The following FUT8 variants were observed in gnomAD, a reference collection of about 807,000 sequenced individuals.
FUT8 encodes fucosyltransferase 8.
In FUT8, 29 loss-of-function variants were observed where a neutral mutation model predicts 71.3. The ratio of observed to expected loss-of-function variants is 0.41; its 90% confidence interval spans 0.30 to 0.55. The LOEUF (loss-of-function observed/expected upper bound fraction) is 0.55, where lower values mean the gene tolerates loss of function less well. FUT8 is among the 20% of genes least tolerant of loss of function. FUT8 has a pLI of 0.34. For missense variants in FUT8, 544 were observed against 702.1 expected (o/e 0.77, Z 2.55); for synonymous variants, 254 against 239.3 (o/e 1.06, Z -0.57).
chr14:65,365,328 C>CCTCTCTCTCTCTCT, the FUT8 span, among the ~76,000 whole-genome samples: 8 of 138,970 alleles, frequency 5.8e-5, no homozygotes, highest in African/African-American at 1.6e-4. Flanking sequence ...ATAAATTCTT[C>CCTCTCTCTCTCTCT]CTCTCTCTCT....
the FUT8 span, among the ~76,000 whole-genome samples, chr14:65,378,872 G>C: frequency 9.9e-5 from 8 of 80,864 alleles, no homozygotes; most frequent in Non-Finnish European, 1.7e-4. Context: ...TTGAGATGGA[G>C]TTTCACTCTT....
chr14:65,691,997 A>T (rs1414802782), intron 7 of FUT8, among the ~76,000 whole-genome samples: 5 of 151,976 alleles, frequency 3.3e-5, no homozygotes, highest in Admixed American at 2.6e-4. Context: ...TCCCATGTCT[A>T]CTTCTTTCTA....
At chr14:65,609,610 C>T (rs1888773158) in intron 3 of FUT8, among the ~76,000 whole-genome samples, 1 of 151,804 alleles carries the variant, frequency 6.6e-6, no homozygotes, top group Non-Finnish European at 1.5e-5. Flanking sequence ...TGCTCTTTGT[C>T]ATCTGTCTTT....
intron 6 of FUT8, among the ~76,000 whole-genome samples, chr14:65,664,668 T>C (rs1398244697): frequency 6.6e-6 from 1 of 152,130 alleles, no homozygotes; most frequent in Non-Finnish European, 1.5e-5. Flanking sequence ...AATCATTTTA[T>C]AGACTGCAGC....
At position 65,669,954 on chromosome 14, in the gene FUT8, C is replaced by T. The variant is rs139294048; in HGVS notation, c.835+474C>T. On this transcript the variant is annotated intron_variant, in intron 7 of 10. Transcript: ENST00000673929. This position sits in a 1 kb window ranked among gnomAD's most constrained non-coding sequence, Gnocchi z 4.5. ...GCAGCCTGAGAGTTTTAATATCTGA[C>T]AAAAGTTTTAGGTTTAGGGACCGTG... is the stretch of plus-strand genomic sequence containing the variant. 3.4e-3 allele frequency among the ~76,000 whole-genome samples: 520 copies of T among 152,244 alleles called. 1 individual carries two copies. Among genetic ancestry groups the T allele is most frequent in the African/African-American group, 0.012 (493 of 41,552 alleles).
intron 9 of FUT8, among the ~76,000 whole-genome samples, chr14:65,731,710 G>T (rs74056814): frequency 0.033 from 5,076 of 152,150 alleles, 246 homozygotes; most frequent in African/African-American, 0.11. Context: ...GCCCAGGCTG[G>T]TCTCGAACTC....
At chr14:65,464,014 A>G (rs2066004133) in intron 2 of FUT8, among the ~76,000 whole-genome samples, 1 of 152,210 alleles carries the variant, frequency 6.6e-6, no homozygotes, top group Non-Finnish European at 1.5e-5. Flanking sequence ...GGAAAAAAGG[A>G]AACAAAGGAG....
At chr14:65,702,824 CA>C in intron 7 of FUT8, among the ~76,000 whole-genome samples, 1 of 151,996 alleles carries the variant, frequency 6.6e-6, no homozygotes, top group Non-Finnish European at 1.5e-5. Flanking sequence ...CTGCAACCTC[CA>C]CCTCCCAGGT....
At position 65,489,278 on chromosome 14, in the gene FUT8, C is replaced by T. The variant is rs2066450910; in HGVS notation, c.-228+33560C>T. ...CTTTGTTCCCTAACCTCATTCTCCTCCACCTGTAACAATGGTGAATATGAA... is the reference window on the plus strand; with the variant it reads ...CTTTGTTCCCTAACCTCATTCTCCTTCACCTGTAACAATGGTGAATATGAA... On this transcript the variant is annotated intron_variant, in intron 2 of 10. Transcript: ENST00000673929. The surrounding 1 kb of genome is among the most constrained non-coding windows in gnomAD (Gnocchi z 4.0). Among the ~76,000 whole-genome samples, 1 of 152,148 alleles carries T rather than the reference C, an allele frequency of 6.6e-6. No homozygotes were observed. The highest frequency in any genetic ancestry group is 2.1e-4 in the South Asian group (1 of 4,834).
At position 65,540,916 on chromosome 14, in the gene FUT8, A is replaced by G. The variant is rs191037004; in HGVS notation, c.-227-20421A>G. On this transcript the variant is annotated intron_variant, in intron 2 of 10. Transcript: ENST00000673929. ...ATAATTCAATGACATTTGTACAACT[A>G]GTTATCAGGTCACATTTTGATGGAT... Among the ~76,000 whole-genome samples the G allele has an allele frequency of 5.9e-3, 900 of 152,354 alleles. 10 individuals carry two copies. The highest frequency in any genetic ancestry group is 0.041 in the Middle Eastern group (12 of 294).
upstream of FUT8, chr14:65,412,249 G>A: frequency 4.4e-6 from 2 of 456,694 alleles, no homozygotes; most frequent in Non-Finnish European, 8.8e-6. Context: ...CAGCAGTCAA[G>A]CGGCCAAATG....
intron 2 of FUT8, among the ~76,000 whole-genome samples, chr14:65,494,680 G>T (rs955140404): frequency 6.6e-6 from 1 of 152,000 alleles, no homozygotes; most frequent in Non-Finnish European, 1.5e-5. Context: ...GTGCCATGGT[G>T]GTTTGCTGCA....
In FUT8 at chr14:65,608,025, A is replaced by AGG. The variant is rs1337335556; in HGVS notation, c.204-7953_204-7952insGG. 9.6e-5 allele frequency among the ~76,000 whole-genome samples: 14 copies of AGG among 146,508 alleles called. 1 individual carries two copies. Among genetic ancestry groups the AGG allele is most frequent in the African/African-American group, 2.5e-4 (10 of 39,412 alleles). ...GGTTGCAGTGAGCCGAGATTGTGCC[A>AGG]CTGCACTCCAGCCTGGCAACAAAGC... On this transcript the variant is annotated intron_variant, in intron 3 of 10. Transcript: ENST00000673929.
intron 6 of FUT8, among the ~76,000 whole-genome samples, chr14:65,633,676 C>T (rs1331696384): frequency 6.4e-4 from 97 of 151,792 alleles, no homozygotes; most frequent in Admixed American, 1.0e-3. Flanking sequence ...GCCACGACCC[C>T]GTCTGGGAGG....
chr14:65,709,742 T>C (rs1894725580), intron 7 of FUT8, among the ~76,000 whole-genome samples: 1 of 152,142 alleles, frequency 6.6e-6, no homozygotes, highest in South Asian at 2.1e-4. Context: ...TGGAACAAAA[T>C]CAATGTGTTA....
the FUT8 span, among the ~76,000 whole-genome samples, chr14:65,374,604 T>G: frequency 0.44 from 66,134 of 150,774 alleles, 16,818 homozygotes; most frequent in Non-Finnish European, 0.58. Context: ...TTTTTTTGTT[T>G]TTTTTTTTTT....
At chr14:65,602,554 T>C (rs936906484) in intron 3 of FUT8, among the ~76,000 whole-genome samples, 4 of 151,662 alleles carry the variant, frequency 2.6e-5, no homozygotes, top group African/African-American at 7.3e-5. Flanking sequence ...GATTGCTGGA[T>C]CAAATGGTAG....
chr14:65,738,691 A>C (rs1040721524), intron 10 of FUT8, among the ~76,000 whole-genome samples: 1 of 152,064 alleles, frequency 6.6e-6, no homozygotes, highest in African/African-American at 2.4e-5. Flanking sequence ...ACCACGTGGT[A>C]GGTAAGGAAA....
At chr14:65,634,358 G>A (rs1890417576) in intron 6 of FUT8, among the ~76,000 whole-genome samples, 1 of 152,048 alleles carries the variant, frequency 6.6e-6, no homozygotes, top group Non-Finnish European at 1.5e-5. Context: ...ACAGATGCTT[G>A]AAGGCAACAT....
Sources: allele counts gnomAD v4.1 joint callset (sites outside exome capture counted in the v4.1 genomes callset), GRCh38; gene constraint gnomAD v4.1.1; non-coding constraint Gnocchi (gnomAD v3.1); transcripts MANE v1.5; gene names NCBI Gene and HGNC (gene_info 2026-07-23, HGNC 2026-07-21).